The following CDH18 variants were observed in gnomAD, a reference collection of about 807,000 sequenced individuals.
CDH18 encodes cadherin-18.
In CDH18, 31 loss-of-function variants were observed where a neutral mutation model predicts 67.9. The ratio of observed to expected loss-of-function variants is 0.46; its 90% confidence interval spans 0.34 to 0.62. The LOEUF (loss-of-function observed/expected upper bound fraction) is 0.62. CDH18 is among the 20% of genes least tolerant of loss of function. CDH18 has a pLI of 0.01. For missense variants in CDH18, 890 were observed against 975.5 expected (o/e 0.91, Z 1.17); for synonymous variants, 362 against 347.2 (o/e 1.04, Z -0.48).
At chr5:20,397,017 G>A (rs1278935041) in intron 1 of CDH18, among the ~76,000 whole-genome samples, 1 of 151,990 alleles carries the variant, frequency 6.6e-6, no homozygotes, top group African/African-American at 2.4e-5. Context: ...CCCCAACTCA[G>A]CAAGTTTAGA....
intron 1 of CDH18, among the ~76,000 whole-genome samples, chr5:20,516,888 A>T (rs1458911022): frequency 1.3e-5 from 2 of 151,984 alleles, no homozygotes; most frequent in African/African-American, 4.8e-5. Context: ...CGTGTTTTCA[A>T]ATCTTGAAGA....
chr5:19,718,410 C>G (rs1352075407), intron 5 of CDH18, among the ~76,000 whole-genome samples: 1 of 151,934 alleles, frequency 6.6e-6, no homozygotes, highest in Non-Finnish European at 1.5e-5. Context: ...ATATAACATG[C>G]CATCCAACTT....
chr5:20,550,311 C>G (rs1561121539), intron 1 of CDH18, among the ~76,000 whole-genome samples: 1 of 151,996 alleles, frequency 6.6e-6, no homozygotes, highest in Admixed American at 6.6e-5. Flanking sequence ...AACAAGAGTC[C>G]TATCAGGTAT....
intron 2 of CDH18, among the ~76,000 whole-genome samples, chr5:20,149,101 G>T (rs1750899687): frequency 1.3e-5 from 2 of 152,086 alleles, no homozygotes; most frequent in African/African-American, 4.8e-5. Flanking sequence ...CTTCTCAAAG[G>T]ATTCCCTCCA....
At chr5:19,826,935 G>A (rs907660899) in intron 3 of CDH18, among the ~76,000 whole-genome samples, 7 of 152,114 alleles carry the variant, frequency 4.6e-5, no homozygotes, top group Admixed American at 1.3e-4. Context: ...GCACAGAGTG[G>A]TAAGTGAGAT....
Position 20,054,363 on chromosome 5 carries a change from T to A in CDH18, c.-517-62349A>T, listed in dbSNP as rs746113136. ...GACATTCATGTGCCATTATTATCTT[T>A]TAATGTATTTTTTCTATCTTATACC... On this transcript the variant is annotated intron_variant, in intron 2 of 14. Transcript: ENST00000507958. 5.8e-4 allele frequency among the ~76,000 whole-genome samples: 89 copies of A among 152,290 alleles called. No homozygotes were observed. The Middle Eastern group carries it at 0.014, about 23-fold the overall frequency.
At chr5:20,020,580 C>A (rs1738325748) in intron 2 of CDH18, among the ~76,000 whole-genome samples, 1 of 152,168 alleles carries the variant, frequency 6.6e-6, no homozygotes. Flanking sequence ...AGATACATAT[C>A]AGGCCACTGC....
chr5:19,521,343 ACT>A (rs921327543), intron 9 of CDH18, among the ~76,000 whole-genome samples: 6 of 152,134 alleles, frequency 3.9e-5, no homozygotes, highest in South Asian at 4.1e-4. Context: ...TTTACATGTA[ACT>A]CTCGTAGATA....
chr5:20,279,158 A>C (rs1358269288), intron 1 of CDH18, among the ~76,000 whole-genome samples: 1 of 152,084 alleles, frequency 6.6e-6, no homozygotes, highest in Non-Finnish European at 1.5e-5. Context: ...CTACAAAAAA[A>C]CCACACATTA....
intron 1 of CDH18, among the ~76,000 whole-genome samples, chr5:20,372,201 G>A (rs1368102818): frequency 6.6e-6 from 1 of 152,148 alleles, no homozygotes; most frequent in Non-Finnish European, 1.5e-5. Context: ...ACCAAAGAGA[G>A]AGATTACTAT....
At chr5:20,039,869 C>T (rs1019718347) in intron 2 of CDH18, among the ~76,000 whole-genome samples, 6 of 152,120 alleles carry the variant, frequency 3.9e-5, no homozygotes, top group Admixed American at 3.3e-4. Flanking sequence ...AACTAAAGAG[C>T]TTCTGCACAG....
intron 1 of CDH18, among the ~76,000 whole-genome samples, chr5:20,356,786 C>T (rs1741659544): frequency 6.7e-6 from 1 of 148,882 alleles, no homozygotes; most frequent in South Asian, 2.1e-4. Flanking sequence ...TGCACACACA[C>T]ATATACCTAT....
At chr5:19,661,818 T>C (rs1034458825) in intron 5 of CDH18, among the ~76,000 whole-genome samples, 5 of 152,038 alleles carry the variant, frequency 3.3e-5, no homozygotes, top group African/African-American at 1.2e-4. Flanking sequence ...AGCAATGAAT[T>C]TACCCTCCGC....
At chr5:20,243,912 T>A (rs1411369757) in intron 2 of CDH18, among the ~76,000 whole-genome samples, 1 of 152,072 alleles carries the variant, frequency 6.6e-6, no homozygotes, top group Non-Finnish European at 1.5e-5. Context: ...CCAGAAAAAG[T>A]ACACTATTTA....
chr5:20,433,058 A>G (rs1748887617), intron 1 of CDH18, among the ~76,000 whole-genome samples: 1 of 150,308 alleles, frequency 6.7e-6, no homozygotes, highest in African/African-American at 2.4e-5. Flanking sequence ...TATAATGCCT[A>G]AAACACTATG....
chr5:19,699,284 C>A (rs1375369578), intron 5 of CDH18, among the ~76,000 whole-genome samples: 3 of 152,044 alleles, frequency 2.0e-5, no homozygotes, highest in African/African-American at 7.2e-5. Flanking sequence ...AAATAACCTG[C>A]AATTGATCTA....
At chr5:19,858,787 G>GATTATT (rs200309711) in intron 2 of CDH18, among the ~76,000 whole-genome samples, 2,584 of 152,122 alleles carry the variant, frequency 0.017, 69 homozygotes, top group African/African-American at 0.058. Context: ...TAAAGCAAAA[G>GATTATT]ATTATTGCAA....
intron 2 of CDH18, among the ~76,000 whole-genome samples, chr5:20,134,615 G>A (rs1489474099): frequency 1.3e-5 from 2 of 152,112 alleles, no homozygotes; most frequent in Non-Finnish European, 2.9e-5. Flanking sequence ...TGGGGATTAT[G>A]GGAACTATAA....
At chr5:19,678,913 A>G (rs779546414) in intron 5 of CDH18, among the ~76,000 whole-genome samples, 2 of 152,008 alleles carry the variant, frequency 1.3e-5, no homozygotes, top group Non-Finnish European at 2.9e-5. Flanking sequence ...ATTCCAAAAA[A>G]TTCAGGAGGA....
Sources: allele counts gnomAD v4.1 joint callset (sites outside exome capture counted in the v4.1 genomes callset), GRCh38; gene constraint gnomAD v4.1.1; transcripts MANE v1.5; gene names NCBI Gene and HGNC (gene_info 2026-07-23, HGNC 2026-07-21).